The following GRM8 variants were observed in gnomAD, a reference collection of about 807,000 sequenced individuals.
GRM8 encodes metabotropic glutamate receptor 8.
Under a neutral mutation model 87.2 loss-of-function variants are expected in GRM8, and 47 were observed. The observed-to-expected ratio is 0.54, with a 90% confidence interval of 0.43 to 0.69. GRM8 has a LOEUF of 0.69. Ranked by LOEUF, GRM8 falls within the 30% of genes least tolerant of loss-of-function variation. The pLI is 0.00. For synonymous variants in GRM8, 396 were observed against 404.5 expected, an observed-to-expected ratio of 0.98 and a Z score of 0.25; for missense variants, 1,019 against 1,139.2, an observed-to-expected ratio of 0.89 and a Z score of 1.52.
chr7:126,800,926 T>C (rs1431236164), intron 6 of GRM8, among the ~76,000 whole-genome samples: 2 of 152,086 alleles, frequency 1.3e-5, no homozygotes, highest in Non-Finnish European at 1.5e-5. Flanking sequence ...ATATCTTGAA[T>C]AAATATTTGT....
intron 2 of GRM8, among the ~76,000 whole-genome samples, chr7:127,189,047 T>G (rs1207008229): frequency 6.6e-6 from 1 of 152,232 alleles, no homozygotes; most frequent in Non-Finnish European, 1.5e-5. Context: ...CAGAAGTGTC[T>G]TTTATAGGAA....
In GRM8 at chr7:127,216,517, C is replaced by CAAAAAAAAAA. The variant is rs58730624; in HGVS notation, c.510+26168_510+26177dup. On this transcript the variant is annotated intron_variant, in intron 2 of 10. Coordinates refer to ENST00000339582, the MANE Select transcript of GRM8 (RefSeq NM_000845.3). ...TGGGCGACAGAGCGAGACTCCGTCT[C>CAAAAAAAAAA]AAAAAAAAAAAAAAAAACAAAAAAA... Among the ~76,000 whole-genome samples the CAAAAAAAAAA allele has an allele frequency of 2.8e-3, 178 of 62,864 alleles. 2 individuals are homozygous for CAAAAAAAAAA. Among genetic ancestry groups the CAAAAAAAAAA allele is most frequent in the Middle Eastern group, 0.013 (1 of 76 alleles). The allele number at this position is 62,864 out of a possible 152,430, so 41.2% of individuals were successfully genotyped here. A position where few individuals can be genotyped will look rare whatever the true frequency, so the allele number is the denominator to read the frequency against.
intron 3 of GRM8, among the ~76,000 whole-genome samples, chr7:127,011,649 AT>A (rs1033531120): frequency 7.2e-5 from 11 of 152,102 alleles, no homozygotes; most frequent in Non-Finnish European, 1.5e-4. Flanking sequence ...CTTAAAGCAA[AT>A]TTTTCATTTC....
chr7:126,869,820 T>TG (rs1044649840), intron 6 of GRM8: 2 of 151,382 alleles, frequency 1.3e-5, no homozygotes, highest in African/African-American at 4.9e-5. Flanking sequence ...ATTTTCAGAA[T>TG]GGTCAATGAG....
chr7:126,520,035 G>A (rs929566902), intron 9 of GRM8, among the ~76,000 whole-genome samples: 7 of 151,526 alleles, frequency 4.6e-5, no homozygotes, highest in African/African-American at 1.5e-4. Context: ...TAGACACTGA[G>A]CATAACAGAG....
At chr7:127,169,000 TA>T (rs57135712) in intron 2 of GRM8, among the ~76,000 whole-genome samples, 91,397 of 140,640 alleles carry the variant, frequency 0.65, 29,195 homozygotes, top group Middle Eastern at 0.76. Context: ...GCAGAAACTA[TA>T]AAAAAAAAAA....
intron 2 of GRM8, among the ~76,000 whole-genome samples, chr7:127,113,688 G>A (rs1203780491): frequency 2.0e-5 from 3 of 152,126 alleles, no homozygotes; most frequent in African/African-American, 7.2e-5. Flanking sequence ...ATGGTGGTTA[G>A]CAACAGCGGC....
intron 8 of GRM8, among the ~76,000 whole-genome samples, chr7:126,589,460 G>A (rs574927975): frequency 6.6e-6 from 1 of 152,230 alleles, no homozygotes; most frequent in Non-Finnish European, 1.5e-5. Flanking sequence ...CCCCACAGCA[G>A]CTGCAGCAAG....
intron 3 of GRM8, among the ~76,000 whole-genome samples, chr7:127,051,739 C>CAAAA (rs59713382): frequency 3.8e-4 from 22 of 58,472 alleles, no homozygotes; most frequent in African/African-American, 1.2e-3. Flanking sequence ...TAATGTTGAG[C>CAAAA]AAAAAAAAAA....
intron 9 of GRM8, among the ~76,000 whole-genome samples, chr7:126,517,382 G>C (rs1812336242): frequency 6.6e-6 from 1 of 152,060 alleles, no homozygotes; most frequent in Admixed American, 6.6e-5. Context: ...AACCAATCCT[G>C]TGTGCTGAGC....
Position 126,519,734 on chromosome 7 carries a change from T to C in GRM8, c.2430+13218A>G, listed in dbSNP as rs552812591. The stretch of plus-strand genomic sequence containing the variant: ...GAAGAAGTGTTGTGCAAGAACTTTA[T>C]GGCAAAAATCTGGAAGTCACTTTCG... On this transcript the variant is annotated intron_variant, in intron 9 of 10. Coordinates refer to ENST00000339582, the MANE Select transcript of GRM8 (RefSeq NM_000845.3). Among the ~76,000 whole-genome samples the C allele has an allele frequency of 7.2e-5, 11 of 152,270 alleles. No individual in the cohort carries two copies. In the South Asian group the frequency reaches 2.1e-3, roughly 29 times the overall value.
intron 3 of GRM8, among the ~76,000 whole-genome samples, chr7:127,101,093 C>A (rs913252334): frequency 2.0e-5 from 3 of 152,096 alleles, no homozygotes; most frequent in Admixed American, 6.6e-5. Flanking sequence ...TCCTAGTTGC[C>A]CAGGTATGCA....
At chr7:127,077,074 A>ATAT in intron 3 of GRM8, among the ~76,000 whole-genome samples, 1 of 152,206 alleles carries the variant, frequency 6.6e-6, no homozygotes, top group South Asian at 2.1e-4. Context: ...TGTGTGTCCC[A>ATAT]TATTATTTCC....
At chr7:126,640,958 G>A (rs1226169289) in intron 7 of GRM8, among the ~76,000 whole-genome samples, 1 of 151,964 alleles carries the variant, frequency 6.6e-6, no homozygotes, top group African/African-American at 2.4e-5. Context: ...CTAACCAAGA[G>A]GGTGTTTAAT....
At chr7:126,767,050 A>G (rs1174671364) in intron 7 of GRM8, among the ~76,000 whole-genome samples, 1 of 152,152 alleles carries the variant, frequency 6.6e-6, no homozygotes, top group Non-Finnish European at 1.5e-5. Flanking sequence ...AGGACTAAGG[A>G]AGTGGACCAG....
chr7:127,210,532 T>C (rs995317521), intron 2 of GRM8, among the ~76,000 whole-genome samples: 1 of 152,210 alleles, frequency 6.6e-6, no homozygotes, highest in Non-Finnish European at 1.5e-5. Flanking sequence ...AGAGTTCTAA[T>C]AATTTAGGTG....
rs191895191 is a variant in GRM8, at chr7:126,838,619, T to C, written c.1156+63923A>G. On this transcript the variant is annotated intron_variant, in intron 6 of 10. Coordinates refer to ENST00000339582, the MANE Select transcript of GRM8 (RefSeq NM_000845.3). The stretch of plus-strand genomic sequence containing the variant: ...ATCCCACATACTACTTTATTAATGC[T>C]AAGAAGCACTGTAATGTTGCCTTTT... 3.3e-4 allele frequency among the ~76,000 whole-genome samples: 51 copies of C among 152,358 alleles called. 1 individual carries two copies. Among genetic ancestry groups the C allele is most frequent in the Admixed American group, 3.1e-3 (48 of 15,302 alleles).
intron 2 of GRM8, among the ~76,000 whole-genome samples, chr7:127,109,066 C>G (rs1010642044): frequency 6.6e-6 from 1 of 152,076 alleles, no homozygotes; most frequent in African/African-American, 2.4e-5. Flanking sequence ...ATTTCTACCA[C>G]CCGCAAATTA....
intron 2 of GRM8, among the ~76,000 whole-genome samples, chr7:127,191,461 T>C (rs1161771902): frequency 6.6e-6 from 1 of 152,222 alleles, no homozygotes; most frequent in Non-Finnish European, 1.5e-5. Context: ...ATTATATTCA[T>C]TTATAGCTAA....
Sources: allele counts gnomAD v4.1 joint callset (sites outside exome capture counted in the v4.1 genomes callset), GRCh38; gene constraint gnomAD v4.1.1; transcripts MANE v1.5; gene names NCBI Gene and HGNC (gene_info 2026-07-23, HGNC 2026-07-21).